TAFA1: variants seen among roughly 807,000 people sequenced by gnomAD.
TAFA1 encodes the protein TAFA chemokine like family member 1, also known as chemokine-like protein TAFA-1.
Under a neutral mutation model 18.5 loss-of-function variants are expected in TAFA1, and 4 were observed. The observed-to-expected ratio is 0.22, with a 90% CI of 0.11 to 0.49. TAFA1 has a LOEUF of 0.49. Among genes scored for constraint, TAFA1 ranks in the 20% least tolerant of loss-of-function variants. The pLI, the probability that TAFA1 is intolerant of heterozygous loss-of-function variation, is 0.98. For missense variants in TAFA1, 147 were observed against 169.0 expected, an observed-to-expected ratio of 0.87 and a Z score of 0.72; for synonymous variants, 56 against 55.2, an observed-to-expected ratio of 1.01 and a Z score of -0.06.
intron 2 of TAFA1, among the ~76,000 whole-genome samples, chr3:68,089,579 G>A (rs7650405): frequency 0.37 from 56,772 of 151,922 alleles, 10,884 homozygotes; most frequent in East Asian, 0.48. Flanking sequence ...GGAGGCATGC[G>A]GGTTATTAAT....
rs575296684 is a variant in TAFA1 at position 68,115,994 on chromosome 3, C to T, written c.118+109250C>T. 7.9e-5 allele frequency among the ~76,000 whole-genome samples: 12 copies of T among 152,296 alleles called. 1 individual carries two copies. In the East Asian group the frequency reaches 2.3e-3, roughly 29 times the overall value. ...AATCTGGGCTGGACACGGTGGCTCA[C>T]GCCTGTAATCCCAGCACTTTGGGAG... On this transcript the variant is annotated intron_variant, in intron 2 of 4. Transcript: ENST00000478136.
intron 2 of TAFA1, among the ~76,000 whole-genome samples, chr3:68,229,848 G>A (rs774137889): frequency 1.1e-4 from 17 of 152,148 alleles, no homozygotes; most frequent in Non-Finnish European, 2.1e-4. Flanking sequence ...ATATAACGGA[G>A]AGATATATAA....
intron 4 of TAFA1, among the ~76,000 whole-genome samples, chr3:68,539,665 C>CTGTG (rs1019011710): frequency 3.8e-4 from 10 of 26,134 alleles, no homozygotes; most frequent in South Asian, 3.4e-3. Context: ...TTGTCTCTCT[C>CTGTG]TGTGTGTGTG....
At chr3:68,221,431 A>G (rs2066728743) in intron 2 of TAFA1, among the ~76,000 whole-genome samples, 1 of 152,230 alleles carries the variant, frequency 6.6e-6, no homozygotes, top group Admixed American at 6.5e-5. Context: ...AATGAGAAAT[A>G]CAACAACTTA....
chr3:68,145,030 C>A (rs977738442), intron 2 of TAFA1: 17 of 1,603,414 alleles, frequency 1.1e-5, no homozygotes, highest in African/African-American at 2.7e-5. Flanking sequence ...TGGCAGAAAG[C>A]GCCTTTAGTT....
At chr3:68,192,209 T>A (rs183000784) in intron 2 of TAFA1, among the ~76,000 whole-genome samples, 1 of 151,884 alleles carries the variant, frequency 6.6e-6, no homozygotes, top group East Asian at 2.0e-4. Flanking sequence ...CTCATGGAGA[T>A]TATGACAATT....
At chr3:68,052,594 A>C in intron 2 of TAFA1, among the ~76,000 whole-genome samples, 1 of 152,186 alleles carries the variant, frequency 6.6e-6, no homozygotes, top group East Asian at 1.9e-4. Context: ...TACTGAAGCT[A>C]GGTATGTCCC....
chr3:68,091,758 C>T (rs1488645677), intron 2 of TAFA1, among the ~76,000 whole-genome samples: 2 of 152,084 alleles, frequency 1.3e-5, no homozygotes, highest in African/African-American at 2.4e-5. Flanking sequence ...CTAACCCAAA[C>T]GATTTCACAG....
chr3:68,448,245 T>A (rs889300106), intron 3 of TAFA1, among the ~76,000 whole-genome samples: 1 of 152,182 alleles, frequency 6.6e-6, no homozygotes, highest in Non-Finnish European at 1.5e-5. Flanking sequence ...ATAATGTTTT[T>A]GAATGCATAA....
intron 3 of TAFA1, among the ~76,000 whole-genome samples, chr3:68,448,052 G>A (rs1349622979): frequency 6.6e-6 from 1 of 152,168 alleles, no homozygotes; most frequent in East Asian, 1.9e-4. Context: ...GAATTCTGCT[G>A]CAGTTGGTGG....
intron 2 of TAFA1, among the ~76,000 whole-genome samples, chr3:68,389,150 G>T (rs1366260202): frequency 6.6e-6 from 1 of 152,144 alleles, no homozygotes; most frequent in Non-Finnish European, 1.5e-5. Flanking sequence ...TGCCTAGACA[G>T]TCTTTATTCT....
At chr3:68,334,935 A>G (rs2068945185) in intron 2 of TAFA1, among the ~76,000 whole-genome samples, 2 of 152,166 alleles carry the variant, frequency 1.3e-5, no homozygotes, top group Admixed American at 6.5e-5. Flanking sequence ...ATTAGCCAGT[A>G]GTAGTCACGA....
chr3:68,095,556 C>G (rs948355495), intron 2 of TAFA1, among the ~76,000 whole-genome samples: 3 of 152,056 alleles, frequency 2.0e-5, no homozygotes, highest in African/African-American at 7.2e-5. Context: ...TGATAGCCCT[C>G]ACAGATTTTA....
intron 2 of TAFA1, among the ~76,000 whole-genome samples, chr3:68,376,969 AC>A (rs2069831805): frequency 6.6e-6 from 1 of 152,142 alleles, no homozygotes; most frequent in African/African-American, 2.4e-5. Flanking sequence ...TCTCTCTTCT[AC>A]CACCTTGTGA....
chr3:68,020,320 A>G (rs1431563209), intron 2 of TAFA1, among the ~76,000 whole-genome samples: 1 of 152,180 alleles, frequency 6.6e-6, no homozygotes, highest in Non-Finnish European at 1.5e-5. Context: ...ATACTAGGCC[A>G]ACCGGGAGTT....
intron 2 of TAFA1, among the ~76,000 whole-genome samples, chr3:68,014,479 G>T (rs1195245623): frequency 1.3e-5 from 2 of 152,166 alleles, no homozygotes; most frequent in Non-Finnish European, 2.9e-5. Flanking sequence ...GGAGTCAGAG[G>T]CTGGAGCTTT....
intron 2 of TAFA1, 25 bp downstream of exon 2, chr3:68,006,769 C>T (rs1704366824): frequency 7.0e-7 from 1 of 1,432,060 alleles, no homozygotes. Context: ...GGCTCCACTG[C>T]AGCCTCCTCC....
At chr3:68,066,925 C>T (rs1382026318) in intron 2 of TAFA1, among the ~76,000 whole-genome samples, 2 of 152,040 alleles carry the variant, frequency 1.3e-5, no homozygotes, top group Non-Finnish European at 2.9e-5. Flanking sequence ...TGACAGATTT[C>T]CATAAGGCAC....
At chr3:68,375,104 T>G (rs907613553) in intron 2 of TAFA1, among the ~76,000 whole-genome samples, 1 of 152,148 alleles carries the variant, frequency 6.6e-6, no homozygotes, top group Non-Finnish European at 1.5e-5. Flanking sequence ...TTGGCATGAT[T>G]CTACCAGATT....
Sources: allele counts gnomAD v4.1 joint callset (sites outside exome capture counted in the v4.1 genomes callset), GRCh38; gene constraint gnomAD v4.1.1; transcripts MANE v1.5; gene names NCBI Gene and HGNC (gene_info 2026-07-23, HGNC 2026-07-21).